RALYL: variants seen among roughly 807,000 people sequenced by gnomAD.
RALYL encodes RNA-binding Raly-like protein.
RALYL carries 29 observed loss-of-function variants against 35.1 expected under a neutral mutation model. That is an observed-to-expected ratio of 0.83 (90% confidence interval 0.61 to 1.13). RALYL has a LOEUF of 1.13. Ranked by LOEUF, RALYL falls within the 50% of genes most tolerant of loss-of-function variation. The pLI is 0.00. For synonymous variants in RALYL, 120 were observed against 127.6 expected (o/e 0.94, Z 0.40); for missense variants, 359 against 360.4 (o/e 1.00, Z 0.03).
intron 6 of RALYL, among the ~76,000 whole-genome samples, chr8:84,866,054 C>T (rs1254055995): frequency 6.6e-6 from 1 of 152,170 alleles, no homozygotes; most frequent in Non-Finnish European, 1.5e-5. Context: ...CATTCCCATC[C>T]ATCCATTATC....
intron 2 of RALYL, among the ~76,000 whole-genome samples, chr8:84,678,335 C>G (rs573516222): frequency 8.5e-4 from 129 of 152,172 alleles, no homozygotes; most frequent in Non-Finnish European, 1.6e-3. Context: ...GATATCTCAG[C>G]TCACTGCAAC....
chr8:84,765,186 C>T (rs998352177), intron 2 of RALYL, among the ~76,000 whole-genome samples: 3 of 152,198 alleles, frequency 2.0e-5, no homozygotes, highest in African/African-American at 4.8e-5. Context: ...GCATCCTCCC[C>T]TGTGATGCCA....
At chr8:84,726,670 G>A (rs1330709575) in intron 2 of RALYL, among the ~76,000 whole-genome samples, 2 of 151,086 alleles carry the variant, frequency 1.3e-5, no homozygotes, top group Non-Finnish European at 3.0e-5. Flanking sequence ...CTTACATGGA[G>A]GCAATTTCCA....
chr8:84,839,032 C>T (rs1832624366), intron 4 of RALYL, among the ~76,000 whole-genome samples: 1 of 152,182 alleles, frequency 6.6e-6, no homozygotes, highest in Non-Finnish European at 1.5e-5. Flanking sequence ...TCTACAGCTC[C>T]CAGCATGAGC....
In RALYL at chr8:84,710,013, A is replaced by T. The variant is rs528713350; in HGVS notation, c.257-64566A>T. The stretch of plus-strand genomic sequence containing the variant: ...GAGGTGGAGGTTGCAGTGAGCCAAG[A>T]TTGCACCACTGCACTCCAGCATGAG... On this transcript the variant is annotated intron_variant, in intron 2 of 8. Coordinates refer to ENST00000521268, the MANE Select transcript of RALYL (RefSeq NM_173848.7). 3.9e-5 allele frequency among the ~76,000 whole-genome samples: 6 copies of T among 152,222 alleles called. No individual in the cohort carries two copies. The South Asian group carries it at 1.2e-3, about 32-fold the overall frequency.
At chr8:84,810,943 C>T (rs1825764229) in intron 4 of RALYL, among the ~76,000 whole-genome samples, 1 of 152,100 alleles carries the variant, frequency 6.6e-6, no homozygotes, top group African/African-American at 2.4e-5. Context: ...CTTATCCATT[C>T]TGCAGTTCTG....
rs141750439 is a variant in RALYL, at chr8:84,587,531, A to G, written c.256+57954A>G. Among the ~76,000 whole-genome samples the G allele has an allele frequency of 7.2e-4, 109 of 152,368 alleles. 1 individual carries two copies. The East Asian group carries it at 0.018, about 25-fold the overall frequency. On this transcript the variant is annotated intron_variant, in intron 2 of 8. Transcript: ENST00000521268. ...AAGTATGTTGTTTTAATAATATTTT[A>G]TAGAGCTTTTCATTCCCCAGATAAG...
At chr8:84,706,560 C>T (rs1196132742) in intron 2 of RALYL, among the ~76,000 whole-genome samples, 1 of 152,016 alleles carries the variant, frequency 6.6e-6, no homozygotes, top group Admixed American at 6.6e-5. Flanking sequence ...ATATTCATTG[C>T]CAAACTTCTT....
At chr8:84,545,201 A>G (rs2060276403) in intron 2 of RALYL, among the ~76,000 whole-genome samples, 1 of 152,118 alleles carries the variant, frequency 6.6e-6, no homozygotes, top group East Asian at 1.9e-4. Flanking sequence ...TTTCCTCTAT[A>G]GTTTAAAATC....
intron 2 of RALYL, among the ~76,000 whole-genome samples, chr8:84,733,817 G>T (rs1846699597): frequency 6.6e-6 from 1 of 152,270 alleles, no homozygotes; most frequent in South Asian, 2.1e-4. Flanking sequence ...CATTGCTACT[G>T]CATGAAATAC....
At chr8:84,797,287 C>T (rs1391916424) in intron 3 of RALYL, among the ~76,000 whole-genome samples, 1 of 152,208 alleles carries the variant, frequency 6.6e-6, no homozygotes, top group African/African-American at 2.4e-5. Flanking sequence ...TTAAAGGTCT[C>T]ACTTTTTACT....
At chr8:84,698,115 C>T (rs1020748195) in intron 2 of RALYL, among the ~76,000 whole-genome samples, 1 of 152,086 alleles carries the variant, frequency 6.6e-6, no homozygotes, top group South Asian at 2.1e-4. Flanking sequence ...CACAAACGTA[C>T]ACACTCCAGC....
intron 1 of RALYL, among the ~76,000 whole-genome samples, chr8:84,469,843 G>T (rs549768196): frequency 7.9e-4 from 120 of 152,238 alleles, no homozygotes; most frequent in Middle Eastern, 3.4e-3. Context: ...ATCTCGTGGT[G>T]CGCTGTTTTT....
intron 8 of RALYL, among the ~76,000 whole-genome samples, chr8:84,914,104 T>A (rs1435900705): frequency 6.6e-6 from 1 of 152,004 alleles, no homozygotes; most frequent in Non-Finnish European, 1.5e-5. Flanking sequence ...CAAATAACAT[T>A]TTTGTTGGCT....
At chr8:84,525,218 C>T (rs919700914) in intron 1 of RALYL, among the ~76,000 whole-genome samples, 2 of 151,814 alleles carry the variant, frequency 1.3e-5, no homozygotes, top group Non-Finnish European at 2.9e-5. Context: ...TTTTATTTTA[C>T]AGGAGTTTTC....
intron 1 of RALYL, among the ~76,000 whole-genome samples, chr8:84,392,827 A>G (rs1244902890): frequency 6.6e-6 from 1 of 152,048 alleles, no homozygotes; most frequent in African/African-American, 2.4e-5. Flanking sequence ...TTTACTTGTA[A>G]TATCTTTTAT....
intron 2 of RALYL, among the ~76,000 whole-genome samples, chr8:84,727,569 C>G (rs1355492156): frequency 6.6e-6 from 1 of 151,342 alleles, no homozygotes; most frequent in African/African-American, 2.4e-5. Flanking sequence ...TGCGCTGCAC[C>G]CACTAACTCG....
intron 1 of RALYL, among the ~76,000 whole-genome samples, chr8:84,283,889 G>A (rs192576104): frequency 2.0e-5 from 3 of 152,002 alleles, no homozygotes; most frequent in Admixed American, 1.3e-4. Context: ...TCCCAGAAGT[G>A]AATACATATC....
chr8:84,351,506 C>T (rs1262739135), intron 1 of RALYL, among the ~76,000 whole-genome samples: 1 of 149,524 alleles, frequency 6.7e-6, no homozygotes, highest in African/African-American at 2.5e-5. Flanking sequence ...TTCTGTATTA[C>T]TGGCTAGTTG....
Sources: gnomAD v4.1 joint callset for allele counts (sites outside exome capture counted in the v4.1 genomes callset) on GRCh38, gnomAD v4.1.1 for gene constraint, MANE v1.5 for transcripts, NCBI Gene and HGNC (gene_info 2026-07-23, HGNC 2026-07-21) for gene names.